The following STAG1 variants were observed in gnomAD, a reference collection of about 807,000 sequenced individuals.
STAG1 encodes cohesin subunit SA-1.
In STAG1, 26 loss-of-function variants were observed where a neutral mutation model predicts 170.9. The ratio of observed to expected loss-of-function variants is 0.15; its 90% CI spans 0.11 to 0.21. The LOEUF is 0.21. Among genes scored for constraint, STAG1 ranks in the 10% least tolerant of loss-of-function variants. The pLI is 1.00. For synonymous variants in STAG1, 514 were observed against 497.7 expected, an observed-to-expected ratio of 1.03 and a Z score of -0.44; for missense variants, 964 against 1,509.5, an observed-to-expected ratio of 0.64 and a Z score of 5.99.
intron 1 of STAG1, among the ~76,000 whole-genome samples, chr3:136,684,164 T>C (rs1042390693): frequency 6.6e-6 from 1 of 152,210 alleles, no homozygotes; most frequent in Non-Finnish European, 1.5e-5. Context: ...GTTTTGTGAA[T>C]ACTAACAAAG....
At chr3:136,537,168 G>C (rs942808527) in intron 6 of STAG1, among the ~76,000 whole-genome samples, 2 of 152,066 alleles carry the variant, frequency 1.3e-5, no homozygotes, top group Admixed American at 1.3e-4. Flanking sequence ...TCTTGGAGCA[G>C]TTTCCACAGT....
chr3:136,428,164 A>G (rs2088188959), intron 16 of STAG1, among the ~76,000 whole-genome samples: 1 of 152,144 alleles, frequency 6.6e-6, no homozygotes, highest in South Asian at 2.1e-4. Context: ...GAAATACACT[A>G]ATCTACTCAT....
chr3:136,742,958 C>G (rs1006677693), intron 1 of STAG1, among the ~76,000 whole-genome samples: 4 of 152,014 alleles, frequency 2.6e-5, no homozygotes, highest in Admixed American at 1.3e-4. Flanking sequence ...GAAAGCAAAG[C>G]AGAAGAAAAT....
chr3:136,408,720 G>C (rs1201177604), intron 21 of STAG1, among the ~76,000 whole-genome samples: 2 of 152,128 alleles, frequency 1.3e-5, no homozygotes, highest in African/African-American at 4.8e-5. Context: ...ATAATGACAA[G>C]GTAGACAGCA....
At chr3:136,404,653 G>T (rs1159606149) in intron 21 of STAG1, among the ~76,000 whole-genome samples, 3 of 152,110 alleles carry the variant, frequency 2.0e-5, no homozygotes, top group Non-Finnish European at 2.9e-5. Context: ...TTCTTTAAAA[G>T]AACTATACCT....
intron 1 of STAG1, among the ~76,000 whole-genome samples, chr3:136,683,817 A>C (rs1206448328): frequency 6.6e-6 from 1 of 152,188 alleles, no homozygotes; most frequent in Non-Finnish European, 1.5e-5. Flanking sequence ...CTGACCAAAA[A>C]ACTCTTTGAA....
intron 4 of STAG1, among the ~76,000 whole-genome samples, chr3:136,572,691 T>C (rs1937311987): frequency 7.5e-6 from 1 of 133,414 alleles, no homozygotes; most frequent in African/African-American, 2.8e-5. Context: ...AGGGAAAAAA[T>C]AAATGCAGAA....
At position 136,464,906 on chromosome 3, in the gene STAG1, C is replaced by G; in HGVS notation, c.1288G>C (p.Ala430Pro). 6.2e-7 allele frequency: 1 copy of G among 1,612,212 alleles called. No homozygotes were observed. The highest frequency in any genetic ancestry group is 8.5e-7 in the Non-Finnish European group (1 of 1,179,276). Residue 430 changes from alanine to proline, a missense_variant, in exon 13 of 34, where the codon GCA becomes CCA. By Grantham distance (27) the Ala-to-Pro change is conservative. Around this residue, in one of 11 missense-constraint regions of STAG1, gnomAD observed 162 missense variants for 211.2 expected, o/e 0.77. Coordinates refer to ENST00000383202, the MANE Select transcript of STAG1 (RefSeq NM_005862.3). ...TTTTTGTGAAGGAACTCTCCAGCTGCCACAGCAACAGGGCGATGTGCCGAG... is the reference window on the plus strand; with the variant it reads ...TTTTTGTGAAGGAACTCTCCAGCTGGCACAGCAACAGGGCGATGTGCCGAG... ...VYSAHRPVAV[A>P]AGEFLHKKLF...
chr3:136,702,826 A>C (rs1414642850), intron 1 of STAG1, among the ~76,000 whole-genome samples: 1 of 152,048 alleles, frequency 6.6e-6, no homozygotes, highest in African/African-American at 2.4e-5. Context: ...TCCCAGCACT[A>C]TGAGAGGCCG....
In STAG1 at chr3:136,502,447, C is replaced by T. The variant is rs577894232; in HGVS notation, c.828+181G>A. Among the ~76,000 whole-genome samples, 108 of 152,262 alleles carry T rather than the reference C, an allele frequency of 7.1e-4. 1 individual carries two copies. The highest frequency in any genetic ancestry group is 2.3e-3 in the African/African-American group (96 of 41,552). On this transcript the variant is annotated intron_variant, in intron 8 of 33. Coordinates refer to ENST00000383202, the MANE Select transcript of STAG1 (RefSeq NM_005862.3). ...AGAGGTGTTCTATGATTCCTTTCTG[C>T]CATCAGACGGCACTTACATGATCAC...
intron 5 of STAG1, among the ~76,000 whole-genome samples, chr3:136,559,601 A>C (rs1936757989): frequency 6.6e-6 from 1 of 152,238 alleles, no homozygotes. Flanking sequence ...GTGCACTGAG[A>C]TGTCCTGAGG....
intron 1 of STAG1, among the ~76,000 whole-genome samples, chr3:136,683,141 A>G (rs1411496694): frequency 6.6e-6 from 1 of 152,226 alleles, no homozygotes; most frequent in Non-Finnish European, 1.5e-5. Context: ...AACAGGTGAC[A>G]ACGTTTCACT....
Position 136,338,446 on chromosome 3 carries a change from G to C in STAG1, c.3677C>G (p.Pro1226Arg). 6.2e-7 allele frequency: 1 copy of C among 1,613,108 alleles called. No individual in the cohort carries two copies. The highest frequency in any genetic ancestry group is 8.5e-7 in the Non-Finnish European group (1 of 1,179,164). Residue 1226 changes from proline (P) to arginine (R), a missense_variant, in exon 33 of 34, where the codon CCA (proline) becomes CGA (arginine). Physicochemically the swap from Pro to Arg is moderately radical, Grantham distance 103 (BLOSUM62 -2). Around this residue, in one of 11 missense-constraint regions of STAG1, gnomAD observed 59 missense variants for 104.2 expected, o/e 0.57. Transcript: ENST00000383202. The stretch of plus-strand genomic sequence containing the variant: ...AGCTCTCTCTCGCCGATTTCTTGAT[G>C]GAGGCTGGAAAGAGAAATCGGTTTC... ...FEDTMVIDLP[P>R]SRNRRERAEL...
intron 18 of STAG1, 27 bp from the exon 19 acceptor site, chr3:136,422,640 T>G: frequency 6.3e-7 from 1 of 1,594,436 alleles, no homozygotes; most frequent in South Asian, 1.1e-5. Context: ...AGAAAAACTG[T>G]AATATTTAGG....
chr3:136,385,077 A>C (rs2086835765), intron 22 of STAG1, among the ~76,000 whole-genome samples: 1 of 152,170 alleles, frequency 6.6e-6, no homozygotes, highest in East Asian at 1.9e-4. Flanking sequence ...CCTTATATTG[A>C]TGCTTCCTTT....
intron 6 of STAG1, among the ~76,000 whole-genome samples, chr3:136,535,219 G>C (rs184184470): frequency 5.1e-4 from 78 of 152,354 alleles, no homozygotes; most frequent in African/African-American, 1.9e-3. Context: ...TAGAATGATA[G>C]ATGCCAGAGG....
At position 136,336,744 on chromosome 3, in the gene STAG1, CTT is replaced by C. The variant is rs1472562199; in HGVS notation, c.*1508_*1509del. The C allele has an allele frequency of 2.3e-4, 35 of 152,194 alleles. No homozygotes were observed. Among genetic ancestry groups the C allele is most frequent in the Admixed American group, 2.2e-3 (33 of 15,282 alleles). 9.4% of individuals were successfully genotyped at this position (152,194 alleles called of 1,614,324 possible). A position where few individuals can be genotyped will look rare whatever the true frequency, so the allele number is the denominator to read the frequency against. On this transcript the variant is annotated 3_prime_UTR_variant, in exon 34 of 34. Transcript: ENST00000383202. ...AAATGTTGAGAAAAATGTTTTGTGT[CTT>C]TACTAAAAGGATGAATAAAATCATC...
intron 4 of STAG1, among the ~76,000 whole-genome samples, chr3:136,573,719 T>C (rs1272765558): frequency 1.3e-5 from 2 of 152,038 alleles, no homozygotes; most frequent in Non-Finnish European, 2.9e-5. Context: ...ATGTCTGTAA[T>C]CCCAGCACTT....
chr3:136,645,748 T>C (rs1266290369), intron 1 of STAG1, among the ~76,000 whole-genome samples: 5 of 152,298 alleles, frequency 3.3e-5, no homozygotes, highest in African/African-American at 9.6e-5. Context: ...TAGTTACCCA[T>C]AGTGTCTCTC....
Sources: allele counts gnomAD v4.1 joint callset (sites outside exome capture counted in the v4.1 genomes callset), GRCh38; gene constraint gnomAD v4.1.1; regional missense constraint gnomAD v4.1.1; transcripts MANE v1.5; gene names NCBI Gene and HGNC (gene_info 2026-07-23, HGNC 2026-07-21).